The following YWHAQ variants were observed in gnomAD, a reference collection of about 807,000 sequenced individuals.
The protein encoded by YWHAQ is 14-3-3 protein theta.
A neutral mutation model predicts 28.3 loss-of-function variants in YWHAQ; 6 were observed. The observed-to-expected ratio is 0.21, with a 90% confidence interval of 0.12 to 0.42. The LOEUF (loss-of-function observed/expected upper bound fraction) is 0.42, where lower values mean the gene tolerates loss of function less well. Among genes scored for constraint, YWHAQ ranks in the 10% least tolerant of loss-of-function variants. The pLI is 1.00. For synonymous variants in YWHAQ, 143 were observed against 119.1 expected, an observed-to-expected ratio of 1.20 and a Z score of -1.31; for missense variants, 201 against 305.6, an observed-to-expected ratio of 0.66 and a Z score of 2.55.
chr2:9,600,615 G>C (rs1170140861), intron 2 of YWHAQ, among the ~76,000 whole-genome samples: 1 of 152,072 alleles, frequency 6.6e-6, no homozygotes, highest in African/African-American at 2.4e-5. Flanking sequence ...TAAAGAAGGA[G>C]AATTGATTGA....
intron 2 of YWHAQ, among the ~76,000 whole-genome samples, chr2:9,596,110 A>T (rs905909079): frequency 2.6e-5 from 4 of 152,226 alleles, no homozygotes; most frequent in African/African-American, 9.6e-5. Flanking sequence ...TAGGATGGGA[A>T]CAATAGACTA....
chr2:9,595,487 T>C (rs1383395939), intron 2 of YWHAQ, among the ~76,000 whole-genome samples: 5 of 151,984 alleles, frequency 3.3e-5, no homozygotes, highest in Non-Finnish European at 5.9e-5. Flanking sequence ...GGTGGATCAC[T>C]TGAGGTCAGG....
chr2:9,612,978 T>G (rs1429746367), intron 2 of YWHAQ, among the ~76,000 whole-genome samples: 1 of 152,200 alleles, frequency 6.6e-6, no homozygotes. Flanking sequence ...CATGTCTCTT[T>G]GCCTGACTTA....
intron 3 of YWHAQ, among the ~76,000 whole-genome samples, chr2:9,589,866 A>G (rs1430361320): frequency 1.3e-5 from 2 of 152,168 alleles, no homozygotes; most frequent in Non-Finnish European, 2.9e-5. Context: ...TGTTTTGAAA[A>G]GGGTAGTTTT....
rs562319001 is a variant in YWHAQ at position 9,597,634 on chromosome 2, C to CAA, written c.295-6121_295-6120dup. Among the ~76,000 whole-genome samples the CAA allele has an allele frequency of 5.8e-3, 437 of 75,164 alleles. 6 individuals are homozygous for CAA. Among genetic ancestry groups the CAA allele is most frequent in the African/African-American group, 0.013 (299 of 22,890 alleles). 49.3% of individuals were successfully genotyped at this position (75,164 alleles called of 152,430 possible). ...TGGGCAAAAGAGCGAAACTCCGTCTCAAAAAAAAAAAAAAAAAAAGAAAAA... is the reference window on the plus strand; with the variant it reads ...TGGGCAAAAGAGCGAAACTCCGTCTCAAAAAAAAAAAAAAAAAAAAAGAAAAA... On this transcript the variant is annotated intron_variant, in intron 2 of 5. Transcript: ENST00000238081.
chr2:9,605,243 T>C (rs1326965117), intron 2 of YWHAQ, among the ~76,000 whole-genome samples: 1 of 150,900 alleles, frequency 6.6e-6, no homozygotes, highest in Non-Finnish European at 1.5e-5. Context: ...GCTCGAGTAA[T>C]CCTCCCACCT....
At chr2:9,606,274 C>A (rs1004895802) in intron 2 of YWHAQ, among the ~76,000 whole-genome samples, 1 of 152,122 alleles carries the variant, frequency 6.6e-6, no homozygotes, top group African/African-American at 2.4e-5. Context: ...AAACTTTAAA[C>A]ACCTTTTCCG....
At position 9,614,604 on chromosome 2, in the gene YWHAQ, G is replaced by A. The variant is rs1667009170; in HGVS notation, c.294+15555C>T. Reference sequence around the variant, plus strand: ...AAAATAGGTCAAAATTGCCTTGCTAGCTTAGTATATATGGGTCAAGTTTTG... The same window carrying A: ...AAAATAGGTCAAAATTGCCTTGCTAACTTAGTATATATGGGTCAAGTTTTG... On this transcript the variant is annotated intron_variant, in intron 2 of 5. Transcript: ENST00000238081. 2.0e-5 allele frequency among the ~76,000 whole-genome samples: 3 copies of A among 152,174 alleles called. No homozygotes were observed. The South Asian group carries it at 6.2e-4, about 31-fold the overall frequency.
chr2:9,594,440 CA>C (rs1467367010), intron 2 of YWHAQ, among the ~76,000 whole-genome samples: 1 of 151,798 alleles, frequency 6.6e-6, no homozygotes, highest in Non-Finnish European at 1.5e-5. Context: ...GAGATAGTCA[CA>C]AAAAAAGTTC....
rs1167518482 is a variant in YWHAQ, at chr2:9,630,370, G to A, written c.83C>T (p.Ala28Val). ...CAGCTCGGCGCCCTGCTCGGTCACTGCCTTCATGCAGGTGGCCATGTCGTC... is the reference window on the plus strand; with the variant it reads ...CAGCTCGGCGCCCTGCTCGGTCACTACCTTCATGCAGGTGGCCATGTCGTC... ...RYDDMATCMKAVTEQGAELSN... is the reference protein window; with the variant it reads ...RYDDMATCMKVVTEQGAELSN... The change falls in exon 2 of 6, where the codon GCA becomes GTA. Residue 28 changes from alanine to valine, a missense_variant. Physicochemically the swap from Ala to Val is moderately conservative, Grantham distance 64. Transcript: ENST00000238081. The surrounding 1 kb of genome is among the most constrained non-coding windows in gnomAD (Gnocchi z 5.6). 9 of 1,613,932 alleles carry A rather than the reference G, an allele frequency of 5.6e-6. No individual in the cohort carries two copies. The highest frequency in any genetic ancestry group is 6.8e-6 in the Non-Finnish European group (8 of 1,180,032).
chr2:9,587,658 G>T, intron 4 of YWHAQ, 149 bp from the exon 5 acceptor site: 1 of 622,382 alleles, frequency 1.6e-6, no homozygotes, highest in Non-Finnish European at 2.7e-6. Context: ...CACACTCCCA[G>T]TTTAAGAACT....
At position 9,598,098 on chromosome 2, in the gene YWHAQ, T is replaced by C. The variant is rs564769450; in HGVS notation, c.295-6583A>G. 8.6e-5 allele frequency among the ~76,000 whole-genome samples: 13 copies of C among 150,708 alleles called. No homozygotes were observed. In the South Asian group the frequency reaches 2.3e-3, roughly 27 times the overall value. ...GTCCGCCTGCCTTGGCCTCCCAATG[T>C]TGGGATTACAGGCATGAGCCACCGC... is the stretch of plus-strand genomic sequence containing the variant. On this transcript the variant is annotated intron_variant, in intron 2 of 5. Transcript: ENST00000238081.
Position 9,630,572 on chromosome 2 carries a change from C to T in YWHAQ, c.-82-38G>A. ...GGGGCGGCGAGGCGAGAACAAAAAGCAGAGAGGGAGCGCCGTCAGACAATG... is the reference window on the plus strand; with the variant it reads ...GGGGCGGCGAGGCGAGAACAAAAAGTAGAGAGGGAGCGCCGTCAGACAATG... On this transcript the variant is annotated intron_variant, in intron 1 of 5. Transcript: ENST00000238081. This position sits in a 1 kb window ranked among gnomAD's most constrained non-coding sequence, Gnocchi z 5.6. The T allele has an allele frequency of 9.7e-7, 1 of 1,027,304 alleles. No homozygotes were observed. The highest frequency in any genetic ancestry group is 2.7e-5 in the East Asian group (1 of 36,974). The allele number at this position is 1,027,304 out of a possible 1,614,324, so 63.6% of individuals were successfully genotyped here.
Position 9,591,459 on chromosome 2 carries a change from G to A in YWHAQ, c.351C>T (p.Phe117=). The A allele has an allele frequency of 6.2e-7, 1 of 1,612,686 alleles. No homozygotes were observed. The highest frequency in any genetic ancestry group is 8.5e-7 in the Non-Finnish European group (1 of 1,178,978). ...AGTAATCACCCTTCATTTTCAGATA[G>A]AAGACCTTACTCTCTGGATTAGTTG... ...ANATNPESKV[F]YLKMKGDYFR... The change falls in exon 3 of 6, where the codon TTC becomes TTT. Residue 117 remains phenylalanine, a synonymous_variant. Transcript: ENST00000238081.
chr2:9,621,606 A>C (rs1667144022), intron 2 of YWHAQ, among the ~76,000 whole-genome samples: 2 of 150,200 alleles, frequency 1.3e-5, no homozygotes, highest in African/African-American at 5.0e-5. Flanking sequence ...GTTTTTTTTC[A>C]AAGCAAAATT....
At position 9,594,267 on chromosome 2, in the gene YWHAQ, G is replaced by GT. The variant is rs1281015536; in HGVS notation, c.295-2753dup. 1.2e-4 allele frequency among the ~76,000 whole-genome samples: 18 copies of GT among 152,038 alleles called. 1 individual carries two copies. Among genetic ancestry groups the GT allele is most frequent in the African/African-American group, 4.4e-4 (18 of 41,378 alleles). ...CAACATCACCAATATAATTTTAATAGTTTTTTAATAAACTGAGACACTCGA... is the reference window on the plus strand; with the variant it reads ...CAACATCACCAATATAATTTTAATAGTTTTTTTAATAAACTGAGACACTCGA... On this transcript the variant is annotated intron_variant, in intron 2 of 5. Coordinates refer to ENST00000238081, the MANE Select transcript of YWHAQ (RefSeq NM_006826.4).
chr2:9,624,704 T>C (rs1667213999), intron 2 of YWHAQ, among the ~76,000 whole-genome samples: 1 of 151,996 alleles, frequency 6.6e-6, no homozygotes, highest in Non-Finnish European at 1.5e-5. Flanking sequence ...AATCACCTGG[T>C]TGAGTGACAC....
chr2:9,623,115 A>G (rs141503088), intron 2 of YWHAQ, among the ~76,000 whole-genome samples: 3 of 152,380 alleles, frequency 2.0e-5, no homozygotes, highest in African/African-American at 4.8e-5. Flanking sequence ...ATGAAACTAC[A>G]TGAGACTTAA....
chr2:9,605,404 G>T (rs1465941572), intron 2 of YWHAQ, among the ~76,000 whole-genome samples: 2 of 151,956 alleles, frequency 1.3e-5, no homozygotes, highest in Non-Finnish European at 2.9e-5. Context: ...CAAAGTGCTG[G>T]GATTACAGGC....
Sources: allele counts gnomAD v4.1 joint callset (sites outside exome capture counted in the v4.1 genomes callset), GRCh38; gene constraint gnomAD v4.1.1; non-coding constraint Gnocchi (gnomAD v3.1); transcripts MANE v1.5; gene names NCBI Gene and HGNC (gene_info 2026-07-23, HGNC 2026-07-21).